The following SLC1A1 variants were observed in gnomAD, a reference collection of about 807,000 sequenced individuals.
The protein encoded by SLC1A1 is solute carrier family 1 member 1.
A neutral mutation model predicts 53.3 loss-of-function variants in SLC1A1; 43 were observed. That is an observed-to-expected ratio of 0.81 (90% CI 0.63 to 1.04). The LOEUF is 1.04. SLC1A1 is among the 50% of genes least tolerant of loss of function. SLC1A1 has a pLI of 0.00. For synonymous variants in SLC1A1, 307 were observed against 243.2 expected, an observed-to-expected ratio of 1.26 and a Z score of -2.44; for missense variants, 748 against 664.9, an observed-to-expected ratio of 1.12 and a Z score of -1.37.
At chr9:4,567,187 G>C (rs949451073) in intron 5 of SLC1A1, among the ~76,000 whole-genome samples, 8 of 152,220 alleles carry the variant, frequency 5.3e-5, no homozygotes, top group African/African-American at 1.9e-4. Context: ...GCCCCAAGGG[G>C]ACTGTTGATT....
At chr9:4,518,439 T>G (rs1815942858) in intron 1 of SLC1A1, among the ~76,000 whole-genome samples, 1 of 151,854 alleles carries the variant, frequency 6.6e-6, no homozygotes, top group African/African-American at 2.4e-5. Flanking sequence ...TGATCTCAGC[T>G]CACTGAAGCC....
Position 4,586,000 on chromosome 9 carries a change from T to C in SLC1A1, c.*442T>C. The C allele has an allele frequency of 5.3e-6, 1 of 188,866 alleles. No individual in the cohort carries two copies. The allele number at this position is 188,866 out of a possible 1,614,324, so 11.7% of individuals were successfully genotyped here. ...CTTTGACCTCTCACTTTTTTATAAA[T>C]TATAATGCATCTAAACCACCTGTCC... On this transcript the variant is annotated 3_prime_UTR_variant, in exon 12 of 12. Transcript: ENST00000262352.
chr9:4,499,748 A>G (rs979844562), intron 1 of SLC1A1, among the ~76,000 whole-genome samples: 10 of 152,226 alleles, frequency 6.6e-5, no homozygotes, highest in African/African-American at 2.4e-4. Context: ...ATCTTGTTAG[A>G]TGTTGCTTAA....
intron 1 of SLC1A1, among the ~76,000 whole-genome samples, chr9:4,515,685 T>G (rs546985761): frequency 7.2e-5 from 11 of 152,174 alleles, no homozygotes; most frequent in Non-Finnish European, 1.3e-4. Context: ...TGGTTTTCAC[T>G]CCTAGAGTAC....
rs747248695 is a variant in SLC1A1, at chr9:4,556,317, G to A, written c.233-5132G>A. ...TTACCGGCGTGAGCCACTACGCCCCGCCCCTATCTTTTATTATTACATTCA... is the reference window on the plus strand; with the variant it reads ...TTACCGGCGTGAGCCACTACGCCCCACCCCTATCTTTTATTATTACATTCA... On this transcript the variant is annotated intron_variant, in intron 2 of 11. Transcript: ENST00000262352. The surrounding 1 kb of genome is among the most constrained non-coding windows in gnomAD (Gnocchi z 4.1). Among the ~76,000 whole-genome samples, 10 of 152,144 alleles carry A rather than the reference G, an allele frequency of 6.6e-5. No individual in the cohort carries two copies. Among genetic ancestry groups the A allele is most frequent in the Non-Finnish European group, 1.2e-4 (8 of 68,046 alleles).
In SLC1A1 at chr9:4,583,027, T is replaced by G. The variant is rs201965414; in HGVS notation, c.1194-11T>G. 2 of 1,614,228 alleles carry G rather than the reference T, an allele frequency of 1.2e-6. No homozygotes were observed. The highest frequency in any genetic ancestry group is 1.7e-6 in the Non-Finnish European group (2 of 1,180,030). On this transcript the variant is annotated splice_polypyrimidine_tract_variant and intron_variant, in intron 10 of 11. Coordinates refer to ENST00000262352, the MANE Select transcript of SLC1A1 (RefSeq NM_004170.6). The surrounding 1 kb of genome is among the most constrained non-coding windows in gnomAD (Gnocchi z 4.6). ...GTGTCTAACTCCTTTCCTGCTGGTA[T>G]GTTTCTGCAGTATCACGGCCACATC...
chr9:4,555,750 C>G (rs1818315574), intron 2 of SLC1A1, among the ~76,000 whole-genome samples: 1 of 152,128 alleles, frequency 6.6e-6, no homozygotes, highest in African/African-American at 2.4e-5. Flanking sequence ...CAGGTGCCAC[C>G]TGTTCCATCA....
chr9:4,585,357 G>C lies in SLC1A1; in HGVS notation c.1374G>C (p.Gly458=). The part of the protein sequence containing the change: ...TMVNVLGDAF[G]TGIVEKLSKK... ...TCAACGTCCTTGGTGATGCTTTTGGGACGGGCATTGTGGAAAAGCTCTCCA... is the reference window on the plus strand; with the variant it reads ...TCAACGTCCTTGGTGATGCTTTTGGCACGGGCATTGTGGAAAAGCTCTCCA... Residue 458 remains glycine (G), a synonymous_variant, in exon 12 of 12, where the codon GGG becomes GGC. Transcript: ENST00000262352. 4 of 1,614,178 alleles carry C rather than the reference G, an allele frequency of 2.5e-6. No individual in the cohort carries two copies. The highest frequency in any genetic ancestry group is 2.5e-6 in the Non-Finnish European group (3 of 1,180,018).
intron 7 of SLC1A1, among the ~76,000 whole-genome samples, chr9:4,573,530 G>A (rs1231111629): frequency 6.6e-6 from 1 of 152,108 alleles, no homozygotes; most frequent in African/African-American, 2.4e-5. Context: ...GATGACCGTG[G>A]CTAGAAAGAG....
At chr9:4,520,289 T>C (rs1816022937) in intron 1 of SLC1A1, among the ~76,000 whole-genome samples, 1 of 152,214 alleles carries the variant, frequency 6.6e-6, no homozygotes, top group African/African-American at 2.4e-5. Context: ...ATTAGTATGA[T>C]GATTAAAGGA....
In SLC1A1 at chr9:4,549,865, C is replaced by T. The variant is rs750495367; in HGVS notation, c.232+5158C>T. Among the ~76,000 whole-genome samples the T allele has an allele frequency of 2.0e-5, 3 of 152,202 alleles. No homozygotes were observed. The highest frequency in any genetic ancestry group is 4.8e-5 in the African/African-American group (2 of 41,446). ...AGGTCAGGCTGGGCCAAGTCCATGC[C>T]AGTTCCTGTGCACATTTCTTCCTCC... On this transcript the variant is annotated intron_variant, in intron 2 of 11. Coordinates refer to ENST00000262352, the MANE Select transcript of SLC1A1 (RefSeq NM_004170.6). The surrounding 1 kb of genome is among the most constrained non-coding windows in gnomAD (Gnocchi z 4.1).
rs1308593108 is a variant in SLC1A1, at chr9:4,585,528, CA to C, written c.1546del (p.Ile516SerfsTer16). 3.7e-6 allele frequency: 6 copies of C among 1,614,220 alleles called. No homozygotes were observed. In the Admixed American group the frequency reaches 6.7e-5, roughly 18 times the overall value. ...GGFAVDKSDT[I>X]SFTQTSQF ...GCTTTGCAGTAGACAAGTCTGACACCATCTCATTCACCCAGACCTCACAGTT... is the reference window on the plus strand; with the variant it reads ...GCTTTGCAGTAGACAAGTCTGACACCTCTCATTCACCCAGACCTCACAGTT... On this transcript the variant is annotated frameshift_variant, in exon 12 of 12. Coordinates refer to ENST00000262352, the MANE Select transcript of SLC1A1 (RefSeq NM_004170.6). LOFTEE classifies it high-confidence loss of function.
In SLC1A1 at chr9:4,544,592, A is replaced by G. The variant is rs913448888; in HGVS notation, c.117A>G (p.Arg39=). 2 of 1,613,906 alleles carry G rather than the reference A, an allele frequency of 1.2e-6. No individual in the cohort carries two copies. The highest frequency in any genetic ancestry group is 1.7e-6 in the Non-Finnish European group (2 of 1,179,818). ...VLGITTGVLV[R]EHSNLSTLEK... ...GCATTACCACAGGAGTCTTGGTTCGAGAACACAGCAACCTCTCAACTCTAG... is the reference window on the plus strand; with the variant it reads ...GCATTACCACAGGAGTCTTGGTTCGGGAACACAGCAACCTCTCAACTCTAG... The change falls in exon 2 of 12, where the codon CGA becomes CGG. Residue 39 remains arginine (R), a synonymous_variant. Coordinates refer to ENST00000262352, the MANE Select transcript of SLC1A1 (RefSeq NM_004170.6).
chr9:4,559,404 C>A (rs1818718282), intron 2 of SLC1A1, among the ~76,000 whole-genome samples: 1 of 152,114 alleles, frequency 6.6e-6, no homozygotes. Context: ...TCCAAAGGAG[C>A]AATCAACAGC....
At chr9:4,505,007 C>T (rs893031328) in intron 1 of SLC1A1, among the ~76,000 whole-genome samples, 1 of 146,972 alleles carries the variant, frequency 6.8e-6, no homozygotes, top group Non-Finnish European at 1.5e-5. Context: ...GGTGGAGTTT[C>T]GTGTGTGCGA....
intron 5 of SLC1A1, 114 bp from the exon 6 acceptor site, chr9:4,567,555 G>T: frequency 4.2e-6 from 3 of 715,680 alleles, no homozygotes; most frequent in Non-Finnish European, 7.7e-6. Flanking sequence ...ATTGGATGTA[G>T]ATCCCTTCAG....
At chr9:4,517,809 T>C (rs1586705199) in intron 1 of SLC1A1, among the ~76,000 whole-genome samples, 1 of 152,240 alleles carries the variant, frequency 6.6e-6, no homozygotes. Flanking sequence ...GGCAGAGACA[T>C]CAAGACCACC....
chr9:4,499,180 G>A (rs954245792), intron 1 of SLC1A1, among the ~76,000 whole-genome samples: 2 of 151,404 alleles, frequency 1.3e-5, no homozygotes, highest in Non-Finnish European at 2.9e-5. Context: ...GAGTAGCTGG[G>A]ATTACAGGTG....
chr9:4,519,265 T>C (rs1350512451), intron 1 of SLC1A1, among the ~76,000 whole-genome samples: 4 of 152,250 alleles, frequency 2.6e-5, no homozygotes, highest in African/African-American at 9.6e-5. Context: ...TAATAATAAA[T>C]ACATTCTAAA....
Sources: allele counts gnomAD v4.1 joint callset (sites outside exome capture counted in the v4.1 genomes callset), GRCh38; gene constraint gnomAD v4.1.1; non-coding constraint Gnocchi (gnomAD v3.1); transcripts MANE v1.5; gene names NCBI Gene and HGNC (gene_info 2026-07-23, HGNC 2026-07-21).